Variants in GNAO1 observed in about 807,000 individuals in gnomAD.
GNAO1 encodes G protein subunit alpha o1.
For missense variants in GNAO1, 166 were observed against 478.7 expected (o/e 0.35, Z 6.10); for synonymous variants, 164 against 180.7 (o/e 0.91, Z 0.74).
chr16:56,345,618 CCT>C (rs1479001679), intron 6 of GNAO1: 33 of 985,388 alleles, frequency 3.3e-5, no homozygotes, highest in Non-Finnish European at 3.7e-5. Context: ...CCCAAGTCCA[CCT>C]CTGTTTTGTT....
rs913057121 is a variant in GNAO1 at position 56,313,750 on chromosome 16, G to A, written c.304-14881G>A. On this transcript the variant is annotated intron_variant, in intron 3 of 8. Coordinates refer to ENST00000262493, the MANE Select transcript of GNAO1 (RefSeq NM_020988.3). ...CTTCTTTTTTTACTTTTTTTGAGAC[G>A]GTATCTGTCTCGCCCAGGCTGGAGT... Among the ~76,000 whole-genome samples, 9 of 151,976 alleles carry A rather than the reference G, an allele frequency of 5.9e-5. 1 individual carries two copies. The highest frequency in any genetic ancestry group is 2.6e-4 in the Admixed American group (4 of 15,250).
intron 3 of GNAO1, among the ~76,000 whole-genome samples, chr16:56,309,307 T>G (rs1339758329): frequency 6.6e-6 from 1 of 152,100 alleles, no homozygotes; most frequent in Non-Finnish European, 1.5e-5. Flanking sequence ...TGATCTTCTC[T>G]CAAAAAGGAT....
intron 2 of GNAO1, among the ~76,000 whole-genome samples, chr16:56,256,979 G>T (rs1388821450): frequency 6.6e-6 from 1 of 152,164 alleles, no homozygotes; most frequent in Non-Finnish European, 1.5e-5. Context: ...CCCGTGGTGG[G>T]AAAGTTGTTT....
chr16:56,281,568 T>C lies in GNAO1; in HGVS notation c.303+5496T>C, dbSNP rs186683609. The stretch of plus-strand genomic sequence containing the variant: ...TCCCTTTTTCCCTTTTCCTCTGTCC[T>C]CCTCCCTCCTTCTCAGTCCCCTTTT... On this transcript the variant is annotated intron_variant, in intron 3 of 8. Coordinates refer to ENST00000262493, the MANE Select transcript of GNAO1 (RefSeq NM_020988.3). 3.7e-3 allele frequency among the ~76,000 whole-genome samples: 566 copies of C among 151,656 alleles called. 2 individuals carry two copies. Among genetic ancestry groups the C allele is most frequent in the Middle Eastern group, 6.8e-3 (2 of 292 alleles).
At position 56,354,988 on chromosome 16, in the gene GNAO1, G is replaced by A. The variant is rs2037954431; in HGVS notation, c.1000G>A (p.Val334Met). 6.2e-7 allele frequency: 1 copy of A among 1,613,278 alleles called. No homozygotes were observed. The highest frequency in any genetic ancestry group is 1.3e-5 in the African/African-American group (1 of 74,846). ...TCATDTNNIQ[V>M]VFDAVTDIII... ...TGCCACAGACACGAATAACATCCAG[G>A]TGGTGTTCGACGCCGTCACCGACAT... The change falls in exon 8 of 9, where the codon GTG becomes ATG. Residue 334 changes from valine (V) to methionine (M), a missense_variant. Transcript: ENST00000262493. This position sits in a 1 kb window ranked among gnomAD's most constrained non-coding sequence, Gnocchi z 4.3.
intron 3 of GNAO1, among the ~76,000 whole-genome samples, chr16:56,299,696 T>A (rs912655245): frequency 2.6e-5 from 4 of 152,246 alleles, no homozygotes; most frequent in African/African-American, 9.6e-5. Context: ...TATGTGGAAC[T>A]GAGCTTTTAG....
rs2036181989 is a variant in GNAO1, at chr16:56,192,200, C to A, written c.-36C>A. 8.1e-7 allele frequency: 1 copy of A among 1,234,220 alleles called. No individual in the cohort carries two copies. The highest frequency in any genetic ancestry group is 1.2e-6 in the Non-Finnish European group (1 of 853,286). 76.5% of individuals were successfully genotyped at this position (1,234,220 alleles called of 1,614,324 possible). On this transcript the variant is annotated 5_prime_UTR_variant, in exon 1 of 9. Coordinates refer to ENST00000262493, the MANE Select transcript of GNAO1 (RefSeq NM_020988.3). ...GCTCCAAGCCGGGGAGCCGTGCCAG[C>A]CGAGTCGTGCGGGCTGTGGCAGGGA...
intron 3 of GNAO1, chr16:56,301,303 A>C (rs1309565380): frequency 6.6e-6 from 1 of 152,226 alleles, no homozygotes; most frequent in African/African-American, 2.4e-5. Context: ...ACCTCAGTCA[A>C]AACAAAAGTG....
At chr16:56,344,296 G>T in intron 6 of GNAO1, 1 of 1,181,642 alleles carries the variant, frequency 8.5e-7, no homozygotes, top group South Asian at 2.7e-5. Flanking sequence ...GCCTCGGAGT[G>T]TCCTCCTGTC....
At chr16:56,325,227 A>G (rs1190402163) in intron 3 of GNAO1, among the ~76,000 whole-genome samples, 1 of 152,246 alleles carries the variant, frequency 6.6e-6, no homozygotes, top group African/African-American at 2.4e-5. Flanking sequence ...CTGTAATCCC[A>G]ACACTTTGGG....
chr16:56,308,550 G>A (rs1375197979), intron 3 of GNAO1, among the ~76,000 whole-genome samples: 3 of 152,182 alleles, frequency 2.0e-5, no homozygotes, highest in African/African-American at 4.8e-5. Flanking sequence ...TTAGGTAGGG[G>A]TAATCCAGTT....
At chr16:56,200,090 A>G (rs1314932069) in intron 2 of GNAO1, among the ~76,000 whole-genome samples, 1 of 152,226 alleles carries the variant, frequency 6.6e-6, no homozygotes, top group East Asian at 1.9e-4. Context: ...ATTGTTACTT[A>G]TGAGAATAGC....
chr16:56,343,875 C>T (rs2037834286), intron 6 of GNAO1: 3 of 1,614,180 alleles, frequency 1.9e-6, no homozygotes, highest in Non-Finnish European at 2.5e-6. Flanking sequence ...CGGACACCAA[C>T]AACATCCAGT....
intron 2 of GNAO1, among the ~76,000 whole-genome samples, chr16:56,220,927 T>C (rs1466758570): frequency 6.6e-6 from 1 of 152,124 alleles, no homozygotes; most frequent in Non-Finnish European, 1.5e-5. Context: ...TTTGTAGTTT[T>C]AGTAGAGACA....
chr16:56,284,412 G>A (rs921109851), intron 3 of GNAO1, among the ~76,000 whole-genome samples: 2 of 152,180 alleles, frequency 1.3e-5, no homozygotes, highest in Non-Finnish European at 2.9e-5. Context: ...CCTGAGACCC[G>A]GCTACTGGTA....
At chr16:56,231,255 T>G (rs1180557380) in intron 2 of GNAO1, among the ~76,000 whole-genome samples, 1 of 152,186 alleles carries the variant, frequency 6.6e-6, no homozygotes, top group Non-Finnish European at 1.5e-5. Flanking sequence ...AAATCCACCG[T>G]GGGGTAGGCT....
At position 56,228,879 on chromosome 16, in the gene GNAO1, G is replaced by A. The variant is rs138854864; in HGVS notation, c.161+36263G>A. Among the ~76,000 whole-genome samples, 873 of 152,308 alleles carry A rather than the reference G, an allele frequency of 5.7e-3. 7 individuals carry two copies. The highest frequency in any genetic ancestry group is 8.7e-3 in the Non-Finnish European group (593 of 68,024). ...CTTAAAAGTGCGTAGTGCTACTGAC[G>A]TGTATATATAGATAAAAGTTTATTC... On this transcript the variant is annotated intron_variant, in intron 2 of 8. Transcript: ENST00000262493.
intron 3 of GNAO1, among the ~76,000 whole-genome samples, chr16:56,295,734 G>A (rs897471136): frequency 4.6e-5 from 7 of 152,162 alleles, no homozygotes; most frequent in African/African-American, 9.7e-5. Flanking sequence ...GTGTTCGTAC[G>A]GTGCTCCTCA....
rs2037977854 is a variant in GNAO1 at position 56,357,194 on chromosome 16, CTT to C, written c.*1121_*1122del. ...CCTCTTCACGGTTTCACTTTTAAGACTTAATCTTTGCTGAAGAAGACCAGTCA... is the reference window on the plus strand; with the variant it reads ...CCTCTTCACGGTTTCACTTTTAAGACAATCTTTGCTGAAGAAGACCAGTCA... On this transcript the variant is annotated 3_prime_UTR_variant, in exon 9 of 9. Coordinates refer to ENST00000262493, the MANE Select transcript of GNAO1 (RefSeq NM_020988.3). 1 of 151,238 alleles carries C rather than the reference CTT, an allele frequency of 6.6e-6. No homozygotes were observed. The highest frequency in any genetic ancestry group is 2.1e-4 in the South Asian group (1 of 4,812). 9.4% of individuals were successfully genotyped at this position (151,238 alleles called of 1,614,324 possible).
Sources: gnomAD v4.1 joint callset for allele counts (sites outside exome capture counted in the v4.1 genomes callset) on GRCh38, gnomAD v4.1.1 for gene constraint, Gnocchi (gnomAD v3.1) non-coding constraint, MANE v1.5 for transcripts, NCBI Gene and HGNC (gene_info 2026-07-23, HGNC 2026-07-21) for gene names.